The following MACROD2 variants were observed in gnomAD, a reference collection of about 807,000 sequenced individuals.
The protein encoded by MACROD2 is ADP-ribose glycohydrolase MACROD2.
A neutral mutation model predicts 70.4 loss-of-function variants in MACROD2; 36 were observed. The ratio of observed to expected loss-of-function variants is 0.51; its 90% CI spans 0.39 to 0.68. MACROD2 has a LOEUF of 0.68. MACROD2 is among the 30% of genes least tolerant of loss of function. The pLI is 0.00. For missense variants in MACROD2, 496 were observed against 538.4 expected, an observed-to-expected ratio of 0.92 and a Z score of 0.78; for synonymous variants, 172 against 178.8, an observed-to-expected ratio of 0.96 and a Z score of 0.30.
At chr20:14,426,656 C>G (rs1451678646) in intron 3 of MACROD2, among the ~76,000 whole-genome samples, 4 of 152,070 alleles carry the variant, frequency 2.6e-5, no homozygotes, top group Non-Finnish European at 4.4e-5. Flanking sequence ...AGGTAAACTT[C>G]AGAGTTATCA....
intron 5 of MACROD2, among the ~76,000 whole-genome samples, chr20:14,743,205 A>G (rs2071756626): frequency 6.6e-6 from 1 of 152,178 alleles, no homozygotes; most frequent in South Asian, 2.1e-4. Context: ...CTTTCCAATA[A>G]CATATTGTGG....
intron 6 of MACROD2, among the ~76,000 whole-genome samples, chr20:15,424,133 A>T (rs974472351): frequency 6.6e-6 from 1 of 152,194 alleles, no homozygotes; most frequent in Non-Finnish European, 1.5e-5. Context: ...GCACCATCAC[A>T]GTGGGACCAG....
intron 5 of MACROD2, among the ~76,000 whole-genome samples, chr20:15,148,010 G>T (rs2076243087): frequency 6.6e-6 from 1 of 152,072 alleles, no homozygotes; most frequent in African/African-American, 2.4e-5. Flanking sequence ...GGTCACAGGG[G>T]ATATGATGGC....
rs114696442 is a variant in MACROD2, at chr20:15,470,531, G to A, written c.572-29243G>A. Among the ~76,000 whole-genome samples, 1,118 of 152,152 alleles carry A rather than the reference G, an allele frequency of 7.3e-3. 15 individuals are homozygous for A. Among genetic ancestry groups the A allele is most frequent in the African/African-American group, 0.025 (1,027 of 41,518 alleles). On this transcript the variant is annotated intron_variant, in intron 7 of 17. Coordinates refer to ENST00000684519, the MANE Select transcript of MACROD2 (RefSeq NM_001351661.2). ...CATCTCCCTGCCACCTGCGGAGTACGGAGGAAGAGCCAGGGCATCCCTTGC... is the reference window on the plus strand; with the variant it reads ...CATCTCCCTGCCACCTGCGGAGTACAGAGGAAGAGCCAGGGCATCCCTTGC...
At chr20:14,912,300 T>G (rs910978608) in intron 5 of MACROD2, among the ~76,000 whole-genome samples, 4 of 152,196 alleles carry the variant, frequency 2.6e-5, no homozygotes, top group African/African-American at 9.7e-5. Context: ...AACTTAATAC[T>G]TAGTGATTAT....
intron 10 of MACROD2, among the ~76,000 whole-genome samples, chr20:15,899,297 T>C (rs1216876467): frequency 6.6e-6 from 1 of 152,072 alleles, no homozygotes; most frequent in Admixed American, 6.5e-5. Context: ...TATATACACA[T>C]ATGTGTGTAC....
intron 8 of MACROD2, among the ~76,000 whole-genome samples, chr20:15,625,543 C>A (rs1209897082): frequency 6.6e-6 from 1 of 152,034 alleles, no homozygotes; most frequent in Non-Finnish European, 1.5e-5. Flanking sequence ...CATTTATATC[C>A]ATTATGATAC....
At chr20:14,575,640 G>C (rs1431648473) in intron 4 of MACROD2, among the ~76,000 whole-genome samples, 1 of 152,072 alleles carries the variant, frequency 6.6e-6, no homozygotes, top group Non-Finnish European at 1.5e-5. Flanking sequence ...AATCTTAGTA[G>C]TCCTCCTTCT....
intron 6 of MACROD2, among the ~76,000 whole-genome samples, chr20:15,261,294 C>T (rs1179825598): frequency 6.6e-6 from 1 of 151,766 alleles, no homozygotes; most frequent in African/African-American, 2.4e-5. Context: ...ATGTGACTCC[C>T]TAGAATTAAT....
chr20:15,095,772 C>T (rs894793685), intron 5 of MACROD2, among the ~76,000 whole-genome samples: 1 of 152,150 alleles, frequency 6.6e-6, no homozygotes, highest in African/African-American at 2.4e-5. Context: ...CCACCTTGGC[C>T]TCCCGAAGTG....
At chr20:14,155,890 A>T (rs965154662) in intron 3 of MACROD2, among the ~76,000 whole-genome samples, 1 of 152,204 alleles carries the variant, frequency 6.6e-6, no homozygotes, top group Admixed American at 6.5e-5. Flanking sequence ...AGCTGGGTGC[A>T]GTGGCTCATG....
intron 3 of MACROD2, among the ~76,000 whole-genome samples, chr20:14,220,361 G>C (rs2081660523): frequency 6.6e-6 from 1 of 152,148 alleles, no homozygotes; most frequent in African/African-American, 2.4e-5. Flanking sequence ...AAATGAAAGG[G>C]CTGGTCTCAC....
chr20:14,152,995 A>T (rs1233183273), intron 3 of MACROD2, among the ~76,000 whole-genome samples: 2 of 152,214 alleles, frequency 1.3e-5, no homozygotes, highest in African/African-American at 2.4e-5. Context: ...TTAAATTGGG[A>T]TGAATGGGTA....
intron 3 of MACROD2, among the ~76,000 whole-genome samples, chr20:14,459,990 C>T (rs1487106701): frequency 6.6e-6 from 1 of 152,032 alleles, no homozygotes; most frequent in Non-Finnish European, 1.5e-5. Context: ...GTTTTCTGTT[C>T]CTGTGTTAGT....
chr20:15,417,829 G>T (rs1409484924), intron 6 of MACROD2, among the ~76,000 whole-genome samples: 1 of 151,840 alleles, frequency 6.6e-6, no homozygotes, highest in African/African-American at 2.4e-5. Context: ...CTGTTTTTTT[G>T]GGAGAAAGTC....
chr20:15,397,601 C>T (rs1195253814), intron 6 of MACROD2, among the ~76,000 whole-genome samples: 1 of 152,128 alleles, frequency 6.6e-6, no homozygotes, highest in South Asian at 2.1e-4. Context: ...CTGGCCTAGC[C>T]TCTTGCATTT....
chr20:14,793,588 GA>G (rs1171825578), intron 5 of MACROD2, among the ~76,000 whole-genome samples: 2 of 152,016 alleles, frequency 1.3e-5, no homozygotes, highest in Non-Finnish European at 2.9e-5. Context: ...ACCGGGGTTG[GA>G]AAGCTACAAA....
Position 15,581,558 on chromosome 20 carries a change from T to A in MACROD2, c.645+81711T>A, listed in dbSNP as rs1457897679. ...GGTAACTGAAAGGTGTGAAAAGAGGTCTCTAAGGCGTTATGGAGGCAGTAA... is the reference window on the plus strand; with the variant it reads ...GGTAACTGAAAGGTGTGAAAAGAGGACTCTAAGGCGTTATGGAGGCAGTAA... On this transcript the variant is annotated intron_variant, in intron 8 of 17. Coordinates refer to ENST00000684519, the MANE Select transcript of MACROD2 (RefSeq NM_001351661.2). Among the ~76,000 whole-genome samples the A allele has an allele frequency of 1.3e-5, 2 of 152,104 alleles. 1 individual carries two copies. The highest frequency in any genetic ancestry group is 4.2e-4 in the South Asian group (2 of 4,816).
intron 2 of MACROD2, among the ~76,000 whole-genome samples, chr20:14,084,846 G>A (rs1057488932): frequency 6.6e-6 from 1 of 151,846 alleles, no homozygotes; most frequent in African/African-American, 2.4e-5. Flanking sequence ...GAGCTGGCCA[G>A]GCATGGTGGC....
Sources: allele counts gnomAD v4.1 joint callset (sites outside exome capture counted in the v4.1 genomes callset), GRCh38; gene constraint gnomAD v4.1.1; transcripts MANE v1.5; gene names NCBI Gene and HGNC (gene_info 2026-07-23, HGNC 2026-07-21).